The following PTPN11 variants were observed in gnomAD, a reference collection of about 807,000 sequenced individuals.
The protein encoded by PTPN11 is protein tyrosine phosphatase non-receptor type 11, also known as tyrosine-protein phosphatase non-receptor type 11.
Under a neutral mutation model 78.8 loss-of-function variants are expected in PTPN11, and 6 were observed. That is an observed-to-expected ratio of 0.08 (90% CI 0.04 to 0.15). The LOEUF is 0.15. PTPN11 is among the 10% of genes least tolerant of loss of function. The pLI is 1.00. For synonymous variants in PTPN11, 221 were observed against 263.5 expected, an observed-to-expected ratio of 0.84 and a Z score of 1.56; for missense variants, 386 against 744.8, an observed-to-expected ratio of 0.52 and a Z score of 5.61.
At chr12:112,447,454 T>C (rs938710714) in intron 2 of PTPN11, among the ~76,000 whole-genome samples, 2 of 152,230 alleles carry the variant, frequency 1.3e-5, no homozygotes, top group African/African-American at 4.8e-5. Flanking sequence ...ATGTATCATT[T>C]TGCAACTTAA....
intron 6 of PTPN11, among the ~76,000 whole-genome samples, chr12:112,465,232 G>T (rs1163240102): frequency 6.6e-6 from 1 of 152,066 alleles, no homozygotes; most frequent in East Asian, 1.9e-4. Flanking sequence ...AGGAGTTCAA[G>T]ACCAGCCTGG....
chr12:112,486,396 A>C lies in PTPN11; in HGVS notation c.1225-79A>C, dbSNP rs544073947. ...GATTCTCTTCCTCTCCATTGGATTT[A>C]GGAAAGCTTAGAACCGGGTGATTCC... is the stretch of plus-strand genomic sequence containing the variant. On this transcript the variant is annotated intron_variant, in intron 10 of 15. Transcript: ENST00000351677. 3 of 1,410,652 alleles carry C rather than the reference A, an allele frequency of 2.1e-6. No homozygotes were observed. In the South Asian group the frequency reaches 3.5e-5, roughly 16 times the overall value. 87.4% of individuals were successfully genotyped at this position (1,410,652 alleles called of 1,614,324 possible). A position where few individuals can be genotyped will look rare whatever the true frequency, so the allele number is the denominator to read the frequency against.
chr12:112,491,844 C>A (rs2038748910), intron 13 of PTPN11, among the ~76,000 whole-genome samples: 1 of 152,100 alleles, frequency 6.6e-6, no homozygotes, highest in Non-Finnish European at 1.5e-5. Flanking sequence ...TAGCTGGAGA[C>A]CACAGGTGTG....
intron 1 of PTPN11, among the ~76,000 whole-genome samples, chr12:112,442,572 C>T (rs1164210973): frequency 1.3e-5 from 2 of 151,572 alleles, no homozygotes; most frequent in Non-Finnish European, 2.9e-5. Flanking sequence ...CTGCCTCAGC[C>T]CCCTGAGTAG....
At chr12:112,459,832 A>C (rs1222597364) in intron 6 of PTPN11, among the ~76,000 whole-genome samples, 1 of 152,074 alleles carries the variant, frequency 6.6e-6, no homozygotes, top group Non-Finnish European at 1.5e-5. Context: ...TATAACCTGA[A>C]TAGCATTATC....
rs1000217578 is a variant in PTPN11 at position 112,449,746 on chromosome 12, G to A, written c.138-572G>A. 3.3e-5 allele frequency among the ~76,000 whole-genome samples: 5 copies of A among 151,940 alleles called. No individual in the cohort carries two copies. In the South Asian group the frequency reaches 8.3e-4, roughly 25 times the overall value. On this transcript the variant is annotated intron_variant, in intron 2 of 15. Transcript: ENST00000351677. Reference sequence around the variant, plus strand: ...TATTGTCACTTAATATATGCAATTCGATAGGCCAGTCATTCAAAATAGAAG... The same window carrying A: ...TATTGTCACTTAATATATGCAATTCAATAGGCCAGTCATTCAAAATAGAAG...
chr12:112,431,800 A>G (rs1405123871), intron 1 of PTPN11, among the ~76,000 whole-genome samples: 2 of 152,200 alleles, frequency 1.3e-5, no homozygotes, highest in African/African-American at 2.4e-5. Context: ...AATTTCCACC[A>G]CACAACATTG....
At chr12:112,483,015 G>T (rs1157122350) in intron 10 of PTPN11, among the ~76,000 whole-genome samples, 1 of 152,098 alleles carries the variant, frequency 6.6e-6, no homozygotes, top group Non-Finnish European at 1.5e-5. Flanking sequence ...GCTTGCTGGA[G>T]ATAGAGCTGG....
At chr12:112,464,632 C>T (rs2038299173) in intron 6 of PTPN11, among the ~76,000 whole-genome samples, 1 of 152,112 alleles carries the variant, frequency 6.6e-6, no homozygotes, top group African/African-American at 2.4e-5. Flanking sequence ...TCCATGTTGG[C>T]CAGGCTGATC....
chr12:112,446,209 G>A, intron 1 of PTPN11, 67 bp from the exon 2 acceptor site: 1 of 1,593,282 alleles, frequency 6.3e-7, no homozygotes. Context: ...TCTTAGCTGT[G>A]TTGTTGTGGA....
Position 112,489,149 on chromosome 12 carries a change from C to T in PTPN11, c.1573C>T (p.Leu525=). Residue 525 remains leucine (L), a synonymous_variant, in exon 13 of 16, where the codon CTA becomes TTA. Coordinates refer to ENST00000351677, the MANE Select transcript of PTPN11 (RefSeq NM_002834.5). The part of the protein sequence containing the change: ...YMAVQHYIET[L]QRRIEEEQKS... Reference sequence around the variant, plus strand: ...GGCGGTCCAGCATTATATTGAAACACTACAGCGCAGGATTGAAGAAGAGCA... The same window carrying T: ...GGCGGTCCAGCATTATATTGAAACATTACAGCGCAGGATTGAAGAAGAGCA... 2 of 1,614,198 alleles carry T rather than the reference C, an allele frequency of 1.2e-6. No individual in the cohort carries two copies. The highest frequency in any genetic ancestry group is 1.7e-6 in the Non-Finnish European group (2 of 1,180,024).
At chr12:112,422,022 A>G (rs1440920923) in intron 1 of PTPN11, among the ~76,000 whole-genome samples, 1 of 152,224 alleles carries the variant, frequency 6.6e-6, no homozygotes. Flanking sequence ...TGCTATTTTC[A>G]TGGCTGAGAG....
At chr12:112,468,309 A>G (rs1010535881) in intron 6 of PTPN11, among the ~76,000 whole-genome samples, 1 of 152,094 alleles carries the variant, frequency 6.6e-6, no homozygotes, top group Admixed American at 6.5e-5. Context: ...CCTGACAGGA[A>G]TGTATTCTCC....
chr12:112,491,960 G>A (rs2038751863), intron 13 of PTPN11, among the ~76,000 whole-genome samples: 1 of 152,218 alleles, frequency 6.6e-6, no homozygotes, highest in Non-Finnish European at 1.5e-5. Context: ...TCCCGCCTTG[G>A]CCTCCCAAAG....
chr12:112,431,118 C>T (rs1424349697), intron 1 of PTPN11, among the ~76,000 whole-genome samples: 4 of 152,178 alleles, frequency 2.6e-5, no homozygotes, highest in Admixed American at 6.5e-5. Context: ...TGACACCACC[C>T]GGGTCACAGA....
chr12:112,473,142 G>A (rs899565728), intron 7 of PTPN11, 102 bp downstream of exon 7: 4 of 947,490 alleles, frequency 4.2e-6, no homozygotes, highest in Admixed American at 4.1e-5. Context: ...TTAGCACATC[G>A]GAGGCCTTAG....
At chr12:112,424,849 G>A (rs1205124822) in intron 1 of PTPN11, among the ~76,000 whole-genome samples, 1 of 148,676 alleles carries the variant, frequency 6.7e-6, no homozygotes, top group Non-Finnish European at 1.5e-5. Context: ...GCAGGCACAC[G>A]CCACCATGTC....
intron 13 of PTPN11, among the ~76,000 whole-genome samples, chr12:112,489,451 C>T (rs994006378): frequency 4.6e-5 from 7 of 152,206 alleles, no homozygotes; most frequent in African/African-American, 1.4e-4. Flanking sequence ...CTGATGTTCT[C>T]AGGCTCATGT....
At chr12:112,488,337 C>A in intron 11 of PTPN11, 106 bp from the exon 12 acceptor site, 3 of 985,730 alleles carry the variant, frequency 3.0e-6, no homozygotes, top group Non-Finnish European at 4.9e-6. Flanking sequence ...TTATAAATAG[C>A]TCCAAAGAGT....
Sources: allele counts gnomAD v4.1 joint callset (sites outside exome capture counted in the v4.1 genomes callset), GRCh38; gene constraint gnomAD v4.1.1; transcripts MANE v1.5; gene names NCBI Gene and HGNC (gene_info 2026-07-23, HGNC 2026-07-21).